SLC35E4: variants seen among roughly 807,000 people sequenced by gnomAD.
The protein encoded by SLC35E4 is solute carrier family 35, member E4.
Under a neutral mutation model 19.3 loss-of-function variants are expected in SLC35E4, and 15 were observed. The observed-to-expected ratio is 0.78, with a 90% CI of 0.52 to 1.20. The LOEUF (loss-of-function observed/expected upper bound fraction) is 1.20, where lower values mean the gene tolerates loss of function less well. SLC35E4 is among the 50% of genes most tolerant of loss of function. The pLI is 0.00. For synonymous variants in SLC35E4, 219 were observed against 219.9 expected, an observed-to-expected ratio of 1.00 and a Z score of 0.04; for missense variants, 406 against 472.3, an observed-to-expected ratio of 0.86 and a Z score of 1.30.
At position 30,636,316 on chromosome 22, in the gene SLC35E4, C is replaced by A; in HGVS notation, c.-135C>A. ...CTGGCACAGGCCTGGCACAAGTAAG[C>A]AGTGTCCTCACCTGTCTGAAACGGG... On this transcript the variant is annotated 5_prime_UTR_variant, in exon 1 of 2. Transcript: ENST00000343605. 8.2e-7 allele frequency: 1 copy of A among 1,212,632 alleles called. No homozygotes were observed. Among genetic ancestry groups the A allele is most frequent in the Non-Finnish European group, 1.1e-6 (1 of 900,198 alleles). 75.1% of individuals were successfully genotyped at this position (1,212,632 alleles called of 1,614,324 possible). A position where few individuals can be genotyped will look rare whatever the true frequency, so the allele number is the denominator to read the frequency against.
intron 1 of SLC35E4, among the ~76,000 whole-genome samples, chr22:30,637,559 A>AT (rs1028886525): frequency 1.4e-3 from 201 of 144,524 alleles, no homozygotes; most frequent in Non-Finnish European, 1.9e-3. Flanking sequence ...TGGTCAGCTA[A>AT]TTTTTTTTTT....
chr22:30,648,794 C>T (rs547023625), downstream of SLC35E4, among the ~76,000 whole-genome samples: 58 of 152,106 alleles, frequency 3.8e-4, no homozygotes, highest in Non-Finnish European at 5.9e-4. Flanking sequence ...GCACTATGAT[C>T]ATGCCACTGC....
rs2087936176 is a variant in SLC35E4, at chr22:30,635,942, G to A, written c.-509G>A. On this transcript the variant is annotated 5_prime_UTR_variant, in exon 1 of 2. Coordinates refer to ENST00000343605, the MANE Select transcript of SLC35E4 (RefSeq NM_001001479.4). ...GGCCGTGGTGTCAGCTCACTGCCCG[G>A]GCGCTGTGGGAGGCAGCGAGCCCGC... is the stretch of plus-strand genomic sequence containing the variant. 1 of 152,574 alleles carries A rather than the reference G, an allele frequency of 6.6e-6. No homozygotes were observed. The allele number at this position is 152,574 out of a possible 1,614,324, so 9.5% of individuals were successfully genotyped here. A position where few individuals can be genotyped will look rare whatever the true frequency, so the allele number is the denominator to read the frequency against.
At chr22:30,663,401 T>C (rs1428513952), downstream of SLC35E4, 1 of 1,570,410 alleles carries the variant, frequency 6.4e-7, no homozygotes, top group Admixed American at 1.7e-5. Flanking sequence ...AATAGATCTG[T>C]ACCTCTGACT....
chr22:30,651,806 T>C (rs941648936), downstream of SLC35E4, among the ~76,000 whole-genome samples: 3 of 152,102 alleles, frequency 2.0e-5, no homozygotes, highest in African/African-American at 7.2e-5. Flanking sequence ...GCAACAAACA[T>C]GTAGTATCTC....
At chr22:30,662,879 CTTATGCAT>C (rs1260504453) in exon 3 of SLC35E4, 1 of 152,954 alleles carries the variant, frequency 6.5e-6, no homozygotes, top group Non-Finnish European at 1.5e-5. Context: ...TAAAAACTAT[CTTATGCAT>C]AAGTACAATC....
downstream of SLC35E4, among the ~76,000 whole-genome samples, chr22:30,664,513 T>C (rs149472814): frequency 6.6e-6 from 1 of 152,302 alleles, no homozygotes; most frequent in Non-Finnish European, 1.5e-5. Flanking sequence ...TTCCAGCCCC[T>C]CTGAGTGGGA....
chr22:30,647,503 A>C lies in SLC35E4; in HGVS notation c.*472A>C. The C allele has an allele frequency of 6.4e-6, 1 of 156,612 alleles. No individual in the cohort carries two copies. Among genetic ancestry groups the C allele is most frequent in the Non-Finnish European group, 1.4e-5 (1 of 71,726 alleles). 9.7% of individuals were successfully genotyped at this position (156,612 alleles called of 1,614,324 possible). A position where few individuals can be genotyped will look rare whatever the true frequency, so the allele number is the denominator to read the frequency against. ...GGCTGCCTTGGAGATTGGAATGGGG[A>C]CTCCCAGGGAGACCTGCGTTCCATC... On this transcript the variant is annotated 3_prime_UTR_variant, in exon 2 of 2. Transcript: ENST00000343605.
chr22:30,654,723 C>A, intron 2 of SLC35E4: 1 of 333,300 alleles, frequency 3.0e-6, no homozygotes, highest in South Asian at 2.6e-5. Context: ...AGTGTACGAC[C>A]ACCACCTTCC....
intron 1 of SLC35E4, among the ~76,000 whole-genome samples, chr22:30,638,095 G>T (rs1335583781): frequency 6.6e-6 from 1 of 152,128 alleles, no homozygotes; most frequent in Non-Finnish European, 1.5e-5. Context: ...GCTGGGCATG[G>T]TATCTCATGC....
In SLC35E4 at chr22:30,647,497, A is replaced by G. The variant is rs734479; in HGVS notation, c.*466A>G. The G allele has an allele frequency of 0.13, 20,853 of 160,088 alleles. 3,200 individuals are homozygous for G. The highest frequency in any genetic ancestry group is 0.38 in the African/African-American group (15,833 of 41,488). The allele number at this position is 160,088 out of a possible 1,614,324, so 9.9% of individuals were successfully genotyped here. On this transcript the variant is annotated 3_prime_UTR_variant, in exon 2 of 2. Coordinates refer to ENST00000343605, the MANE Select transcript of SLC35E4 (RefSeq NM_001001479.4). ...TGGAAGGGCTGCCTTGGAGATTGGAATGGGGACTCCCAGGGAGACCTGCGT... is the reference window on the plus strand; with the variant it reads ...TGGAAGGGCTGCCTTGGAGATTGGAGTGGGGACTCCCAGGGAGACCTGCGT...
intron 2 of SLC35E4, among the ~76,000 whole-genome samples, chr22:30,658,969 C>T (rs1423572731): frequency 1.3e-5 from 2 of 151,804 alleles, no homozygotes; most frequent in African/African-American, 2.4e-5. Flanking sequence ...ATGGCGAAAC[C>T]GCATCTCTAC....
At chr22:30,637,207 T>A in intron 1 of SLC35E4, 138 bp downstream of exon 1, 1 of 1,330,586 alleles carries the variant, frequency 7.5e-7, no homozygotes, top group Non-Finnish European at 1.0e-6. Context: ...GAAGCAGAAC[T>A]GAGGCTCAGA....
At chr22:30,661,474 G>A (rs1331679177) in intron 2 of SLC35E4, 1 of 138,070 alleles carries the variant, frequency 7.2e-6, no homozygotes, top group Non-Finnish European at 1.5e-5. Flanking sequence ...TTGAGATGGA[G>A]TCTCACTCTT....
chr22:30,652,699 T>C (rs748282477), downstream of SLC35E4, among the ~76,000 whole-genome samples: 26 of 152,236 alleles, frequency 1.7e-4, no homozygotes, highest in Non-Finnish European at 2.9e-4. Context: ...TTCCTTGCCA[T>C]GTGGGCTTCT....
At chr22:30,664,286 G>A (rs1227265917), downstream of SLC35E4, among the ~76,000 whole-genome samples, 1 of 152,186 alleles carries the variant, frequency 6.6e-6, no homozygotes, top group African/African-American at 2.4e-5. Context: ...TGAAGAGCAT[G>A]AATCTGCATT....
Position 30,646,893 on chromosome 22 carries a change from C to T in SLC35E4, c.915C>T (p.Ser305=). The change falls in exon 2 of 2, where the codon AGC becomes AGT. Residue 305 remains serine (S), a synonymous_variant. Coordinates refer to ENST00000343605, the MANE Select transcript of SLC35E4 (RefSeq NM_001001479.4). The part of the protein sequence containing the change: ...NLILSRLLFG[S]RLSALSYVGI... ...TCCTGTCCCGGCTGTTGTTTGGCAG[C>T]CGCCTCAGTGCCCTCAGCTACGTGG... 1 of 1,614,250 alleles carries T rather than the reference C, an allele frequency of 6.2e-7. No individual in the cohort carries two copies. Among genetic ancestry groups the T allele is most frequent in the Non-Finnish European group, 8.5e-7 (1 of 1,180,044 alleles).
rs892221027 is a variant in SLC35E4 at position 30,637,001 on chromosome 22, C to A, written c.551C>A (p.Thr184Lys). 1 of 1,607,812 alleles carries A rather than the reference C, an allele frequency of 6.2e-7. No individual in the cohort carries two copies. Among genetic ancestry groups the A allele is most frequent in the East Asian group, 2.2e-5 (1 of 44,782 alleles). ...TGCAGCCTGGCTGGAGAGTTCCGGA[C>A]ACCCCCTACCGGCTGTGGCTTCCTG... ...AACSLAGEFR[T>K]PPTGCGFLLA... Residue 184 changes from threonine to lysine, a missense_variant, in exon 1 of 2, where the codon ACA becomes AAA. By Grantham distance (78) the Thr-to-Lys change is moderately conservative. Transcript: ENST00000343605.
In SLC35E4 at chr22:30,647,071, C is replaced by T. The variant is rs2088146871; in HGVS notation, c.*40C>T. 6.5e-7 allele frequency: 1 copy of T among 1,545,188 alleles called. No individual in the cohort carries two copies. Among genetic ancestry groups the T allele is most frequent in the East Asian group, 2.3e-5 (1 of 44,352 alleles). On this transcript the variant is annotated 3_prime_UTR_variant, in exon 2 of 2. Coordinates refer to ENST00000343605, the MANE Select transcript of SLC35E4 (RefSeq NM_001001479.4). Reference sequence around the variant, plus strand: ...CAGGAGCCACCTGGGATGGCCCTGGCCTGAATCCAGCCTCCGCTGTGGCCA... The same window carrying T: ...CAGGAGCCACCTGGGATGGCCCTGGTCTGAATCCAGCCTCCGCTGTGGCCA...
Sources: allele counts gnomAD v4.1 joint callset (sites outside exome capture counted in the v4.1 genomes callset), GRCh38; gene constraint gnomAD v4.1.1; transcripts MANE v1.5; gene names NCBI Gene and HGNC (gene_info 2026-07-23, HGNC 2026-07-21).